The following GPATCH2L variants were observed in gnomAD, a reference collection of about 807,000 sequenced individuals.
GPATCH2L encodes G-patch domain containing 2 like.
A neutral mutation model predicts 57.4 loss-of-function variants in GPATCH2L; 31 were observed. The ratio of observed to expected loss-of-function variants is 0.54; its 90% CI spans 0.41 to 0.73. GPATCH2L has a LOEUF of 0.73. Among genes scored for constraint, GPATCH2L ranks in the 30% least tolerant of loss-of-function variants. GPATCH2L has a pLI of 0.00. For missense variants in GPATCH2L, 481 were observed against 599.9 expected, an observed-to-expected ratio of 0.80 and a Z score of 2.07; for synonymous variants, 199 against 210.7, an observed-to-expected ratio of 0.94 and a Z score of 0.48.
chr14:76,198,433 G>A (rs937362057), intron 9 of GPATCH2L, among the ~76,000 whole-genome samples: 2 of 152,154 alleles, frequency 1.3e-5, no homozygotes, highest in African/African-American at 4.8e-5. Flanking sequence ...ACCAGGCTTC[G>A]TTTTCTTGAA....
At chr14:76,160,058 CG>C (rs1167571233) in intron 2 of GPATCH2L, among the ~76,000 whole-genome samples, 2 of 151,642 alleles carry the variant, frequency 1.3e-5, no homozygotes, top group African/African-American at 4.9e-5. Context: ...GGTGTGAACC[CG>C]GGAGGCGGAG....
chr14:76,231,537 G>A (rs1251016357), intron 2 of GPATCH2L, among the ~76,000 whole-genome samples: 1 of 151,438 alleles, frequency 6.6e-6, no homozygotes, highest in African/African-American at 2.4e-5. Context: ...CAGATTTGAG[G>A]TTTTGAGGAG....
intron 8 of GPATCH2L, among the ~76,000 whole-genome samples, chr14:76,181,748 G>C (rs1286158589): frequency 6.6e-6 from 1 of 152,120 alleles, no homozygotes. Context: ...CCCCCTACAG[G>C]GCTGTTATGC....
At chr14:76,230,394 A>G (rs1253250875) in intron 2 of GPATCH2L, 2 of 151,114 alleles carry the variant, frequency 1.3e-5, no homozygotes. Flanking sequence ...CTGTATTTGC[A>G]GAATGAATTC....
At chr14:76,164,856 A>G (rs1298471516) in intron 2 of GPATCH2L, among the ~76,000 whole-genome samples, 3 of 152,200 alleles carry the variant, frequency 2.0e-5, no homozygotes, top group Non-Finnish European at 2.9e-5. Context: ...CTATGATAAT[A>G]TACTTGTCAG....
chr14:76,183,496 T>G (rs2039652514), intron 8 of GPATCH2L, among the ~76,000 whole-genome samples: 1 of 152,254 alleles, frequency 6.6e-6, no homozygotes, highest in Middle Eastern at 3.2e-3. Context: ...TTTTTTTTGT[T>G]TTAAATTATA....
At chr14:76,162,089 G>A (rs1020375054) in intron 2 of GPATCH2L, among the ~76,000 whole-genome samples, 3 of 151,206 alleles carry the variant, frequency 2.0e-5, no homozygotes, top group African/African-American at 7.3e-5. Context: ...ATACTTTATC[G>A]CTTGGAATCT....
rs748542510 is a variant in GPATCH2L at position 76,171,840 on chromosome 14, T to C, written c.728-3T>C. On this transcript the variant is annotated splice_region_variant and splice_polypyrimidine_tract_variant and intron_variant, in intron 3 of 9. Transcript: ENST00000261530. ...AGCTTATGATATGATGTCTTTACTT[T>C]AGGTGATGACGAACAGAGTGATTGG... The C allele has an allele frequency of 6.5e-6, 10 of 1,546,160 alleles. No homozygotes were observed. The highest frequency in any genetic ancestry group is 4.7e-5 in the East Asian group (2 of 42,222).
chr14:76,180,774 T>G lies in GPATCH2L; in HGVS notation c.1118T>G (p.Leu373Arg). The G allele has an allele frequency of 6.2e-7, 1 of 1,609,788 alleles. No individual in the cohort carries two copies. Among genetic ancestry groups the G allele is most frequent in the Non-Finnish European group, 8.5e-7 (1 of 1,175,968 alleles). ...ISACAHEFNP[L>R]SPLYSLDVLA... ...TATTCATTCCTGCAGTTCAATCCCC[T>G]GTCTCCCCTTTACTCCCTGGATGTT... The change falls in exon 8 of 10, where the codon CTG (leucine) becomes CGG (arginine). Residue 373 changes from leucine to arginine, a missense_variant. Leu to Arg is a moderately radical substitution (Grantham distance 102, BLOSUM62 -2). Coordinates refer to ENST00000261530, the MANE Select transcript of GPATCH2L (RefSeq NM_017926.4).
In GPATCH2L at chr14:76,209,472, C is replaced by T. The variant is rs2040416268; in HGVS notation, c.*7621C>T. Reference sequence around the variant, plus strand: ...AATTGCTAATTAGATTAGTGAGATTCTAAGGTGGGTCACTCCTGTTTACTT... The same window carrying T: ...AATTGCTAATTAGATTAGTGAGATTTTAAGGTGGGTCACTCCTGTTTACTT... On this transcript the variant is annotated 3_prime_UTR_variant, in exon 10 of 10. Coordinates refer to ENST00000261530, the MANE Select transcript of GPATCH2L (RefSeq NM_017926.4). 1 of 152,218 alleles carries T rather than the reference C, an allele frequency of 6.6e-6. No homozygotes were observed. Among genetic ancestry groups the T allele is most frequent in the Non-Finnish European group, 1.5e-5 (1 of 68,066 alleles). The allele number at this position is 152,218 out of a possible 1,614,324, so 9.4% of individuals were successfully genotyped here.
chr14:76,219,479 G>T (rs192897770), intron 1 of GPATCH2L, among the ~76,000 whole-genome samples: 9 of 152,252 alleles, frequency 5.9e-5, no homozygotes, highest in African/African-American at 1.7e-4. Context: ...TAAAGAGTTG[G>T]CAGTATCTTA....
chr14:76,183,479 A>G (rs2039652046), intron 8 of GPATCH2L, among the ~76,000 whole-genome samples: 3 of 151,798 alleles, frequency 2.0e-5, no homozygotes, highest in African/African-American at 7.2e-5. Flanking sequence ...AAAAAATTAT[A>G]GCAAAATTTT....
intron 1 of GPATCH2L, among the ~76,000 whole-genome samples, chr14:76,221,844 C>T (rs1401490326): frequency 6.6e-6 from 1 of 152,040 alleles, no homozygotes; most frequent in Non-Finnish European, 1.5e-5. Context: ...AGGCAGAGCA[C>T]AGAAGATTTT....
In GPATCH2L at chr14:76,210,063, G is replaced by A. The variant is rs563127404; in HGVS notation, c.*8212G>A. The A allele has an allele frequency of 2.0e-5, 3 of 152,318 alleles. No homozygotes were observed. The highest frequency in any genetic ancestry group is 7.2e-5 in the African/African-American group (3 of 41,568). 9.4% of individuals were successfully genotyped at this position (152,318 alleles called of 1,614,324 possible). A position where few individuals can be genotyped will look rare whatever the true frequency, so the allele number is the denominator to read the frequency against. On this transcript the variant is annotated 3_prime_UTR_variant, in exon 10 of 10. Coordinates refer to ENST00000261530, the MANE Select transcript of GPATCH2L (RefSeq NM_017926.4). ...TCCTCCTCAGGGACCTCTTAGGGAA[G>A]AGGGTAACTGCCCTAAAGCAGGATA...
In GPATCH2L at chr14:76,209,055, T is replaced by C. The variant is rs2040411545; in HGVS notation, c.*7204T>C. 6.6e-6 allele frequency: 1 copy of C among 152,252 alleles called. No homozygotes were observed. Among genetic ancestry groups the C allele is most frequent in the South Asian group, 2.1e-4 (1 of 4,834 alleles). 9.4% of individuals were successfully genotyped at this position (152,252 alleles called of 1,614,324 possible). ...TGTTCTTGCTGGATTCACCCACCAG[T>C]GACTTCTACTATTAAAATTTAGCCC... On this transcript the variant is annotated 3_prime_UTR_variant, in exon 10 of 10. Coordinates refer to ENST00000261530, the MANE Select transcript of GPATCH2L (RefSeq NM_017926.4).
At chr14:76,219,500 A>G (rs906118554) in intron 1 of GPATCH2L, among the ~76,000 whole-genome samples, 1 of 152,206 alleles carries the variant, frequency 6.6e-6, no homozygotes, top group African/African-American at 2.4e-5. Flanking sequence ...TTAAAATTAC[A>G]AAGGTTCATT....
chr14:76,168,995 C>A (rs550344964), intron 3 of GPATCH2L, among the ~76,000 whole-genome samples: 1 of 152,306 alleles, frequency 6.6e-6, no homozygotes, highest in South Asian at 2.1e-4. Flanking sequence ...CATTCTTTCC[C>A]TTGCCACTCC....
rs1362508165 is a variant in GPATCH2L, at chr14:76,154,684, G to A, written c.321G>A (p.Lys107=). ...HPALNAIVKS[K]QHSWHESDSF... is the part of the protein sequence containing the mutation. ...CTCTCAATGCCATTGTCAAGAGTAA[G>A]CAACATTCTTGGCATGAATCTGACT... Residue 107 remains lysine, a synonymous_variant, in exon 2 of 10, where the codon AAG becomes AAA. Coordinates refer to ENST00000261530, the MANE Select transcript of GPATCH2L (RefSeq NM_017926.4). This position sits in a 1 kb window ranked among gnomAD's most constrained non-coding sequence, Gnocchi z 4.4. 2 of 1,614,198 alleles carry A rather than the reference G, an allele frequency of 1.2e-6. No individual in the cohort carries two copies. Among genetic ancestry groups the A allele is most frequent in the Non-Finnish European group, 1.7e-6 (2 of 1,180,014 alleles).
Position 76,203,915 on chromosome 14 carries a change from T to TA in GPATCH2L, c.*2065dup, listed in dbSNP as rs756288842. ...AGTGATTGGTCCCATGATCATGGCC[T>TA]ATTAGTGAAAACCTCCAAAGGTCAG... On this transcript the variant is annotated 3_prime_UTR_variant, in exon 10 of 10. Coordinates refer to ENST00000261530, the MANE Select transcript of GPATCH2L (RefSeq NM_017926.4). 2 of 152,232 alleles carry TA rather than the reference T, an allele frequency of 1.3e-5. No individual in the cohort carries two copies. The highest frequency in any genetic ancestry group is 2.9e-5 in the Non-Finnish European group (2 of 68,038). 9.4% of individuals were successfully genotyped at this position (152,232 alleles called of 1,614,324 possible). A position where few individuals can be genotyped will look rare whatever the true frequency, so the allele number is the denominator to read the frequency against.
Sources: allele counts gnomAD v4.1 joint callset (sites outside exome capture counted in the v4.1 genomes callset), GRCh38; gene constraint gnomAD v4.1.1; non-coding constraint Gnocchi (gnomAD v3.1); transcripts MANE v1.5; gene names NCBI Gene and HGNC (gene_info 2026-07-23, HGNC 2026-07-21).